CCDC97: variants seen among roughly 807,000 people sequenced by gnomAD.
CCDC97 encodes the protein coiled-coil domain containing 97.
CCDC97 carries 27 observed loss-of-function variants against 33.9 expected under a neutral mutation model. The observed-to-expected ratio is 0.80, with a 90% confidence interval of 0.59 to 1.10. CCDC97 has a LOEUF of 1.10. Ranked by LOEUF, CCDC97 falls within the 50% of genes least tolerant of loss-of-function variation. The pLI, the probability that CCDC97 is intolerant of heterozygous loss-of-function variation, is 0.00. For synonymous variants in CCDC97, 217 were observed against 194.0 expected, an observed-to-expected ratio of 1.12 and a Z score of -0.99; for missense variants, 422 against 476.6, an observed-to-expected ratio of 0.89 and a Z score of 1.07.
At chr19:41,319,456 T>C in intron 2 of CCDC97, 118 bp from the exon 3 acceptor site, 1 of 763,036 alleles carries the variant, frequency 1.3e-6, no homozygotes, top group Non-Finnish European at 2.2e-6. Context: ...AATGTGTGCA[T>C]ACACACACTT....
intron 1 of CCDC97, 89 bp from the exon 2 acceptor site, chr19:41,316,295 C>T: frequency 1.0e-6 from 1 of 1,003,826 alleles, no homozygotes; most frequent in Non-Finnish European, 1.5e-6. Context: ...ATAGTCAGTG[C>T]CCAGTAAATG....
intron 1 of CCDC97, among the ~76,000 whole-genome samples, chr19:41,313,082 T>C (rs776959392): frequency 5.6e-4 from 85 of 152,134 alleles, no homozygotes; most frequent in Non-Finnish European, 9.4e-4. Flanking sequence ...TCTTTTTTTT[T>C]AAGATAACAG....
chr19:41,316,786 T>C lies in CCDC97; in HGVS notation c.449T>C (p.Leu150Pro), dbSNP rs752174219. Residue 150 changes from leucine to proline, a missense_variant, in exon 2 of 5, where the codon CTG becomes CCG. Coordinates refer to ENST00000269967, the MANE Select transcript of CCDC97 (RefSeq NM_052848.3). ...ARQGTARPRT[L>P]RTRLRNRRYA... ...CAGGGCACTGCCCGGCCCCGCACCC[T>C]GCGTACCCGCCTGCGTAACCGGCGC... is the stretch of plus-strand genomic sequence containing the variant. 19 of 1,604,990 alleles carry C rather than the reference T, an allele frequency of 1.2e-5. No homozygotes were observed. Among genetic ancestry groups the C allele is most frequent in the Middle Eastern group, 3.3e-4 (2 of 6,062 alleles).
intron 2 of CCDC97, among the ~76,000 whole-genome samples, chr19:41,319,073 A>G (rs1308253080): frequency 6.6e-6 from 1 of 152,314 alleles, no homozygotes; most frequent in East Asian, 1.9e-4. Context: ...TACATAGGCC[A>G]TGTACACGTC....
chr19:41,319,210 TGAATACAC>T, intron 2 of CCDC97, among the ~76,000 whole-genome samples: 1 of 152,312 alleles, frequency 6.6e-6, no homozygotes, highest in East Asian at 1.9e-4. Context: ...CATGAATACA[TGAATACAC>T]AGGAAGATAG....
At chr19:41,312,478 C>T (rs2037697281) in intron 1 of CCDC97, among the ~76,000 whole-genome samples, 1 of 152,198 alleles carries the variant, frequency 6.6e-6, no homozygotes. Context: ...TTCAGCGACA[C>T]CACAGTGCCT....
intron 1 of CCDC97, 38 bp downstream of exon 1, chr19:41,310,394 G>A (rs1187947726): frequency 3.8e-6 from 6 of 1,583,870 alleles, no homozygotes; most frequent in East Asian, 4.6e-5. Flanking sequence ...GGGTGGGTGC[G>A]GTTGCGGTGT....
Position 41,310,268 on chromosome 19 carries a change from G to A in CCDC97, c.-43G>A, listed in dbSNP as rs935959717. Reference sequence around the variant, plus strand: ...TTGCGTGCGTGGGCCGGAGGTTAGTGTGCGGGGCCCGCCGGGCGGTTGAAA... The same window carrying A: ...TTGCGTGCGTGGGCCGGAGGTTAGTATGCGGGGCCCGCCGGGCGGTTGAAA... On this transcript the variant is annotated 5_prime_UTR_variant, in exon 1 of 5. The change creates a new upstream start codon in the 5' untranslated region. Transcript: ENST00000269967. The A allele has an allele frequency of 1.9e-6, 3 of 1,572,776 alleles. No individual in the cohort carries two copies. The highest frequency in any genetic ancestry group is 2.6e-6 in the Non-Finnish European group (3 of 1,159,128).
At chr19:41,319,244 C>T (rs574087916) in intron 2 of CCDC97, among the ~76,000 whole-genome samples, 2 of 152,258 alleles carry the variant, frequency 1.3e-5, no homozygotes, top group African/African-American at 4.8e-5. Context: ...GGGCCACATA[C>T]ACACACTCAG....
At chr19:41,318,444 C>T (rs772447420) in intron 2 of CCDC97, among the ~76,000 whole-genome samples, 22 of 152,104 alleles carry the variant, frequency 1.4e-4, no homozygotes, top group Admixed American at 7.9e-4. Context: ...GGCAACAGAG[C>T]GAGACTCCAT....
chr19:41,320,505 C>G, intron 4 of CCDC97, 35 bp downstream of exon 4: 1 of 1,613,202 alleles, frequency 6.2e-7, no homozygotes, highest in South Asian at 1.1e-5. Flanking sequence ...ATCCCCCAGC[C>G]CAGCATCCCA....
chr19:41,322,871 C>T lies in CCDC97; in HGVS notation c.*156C>T. On this transcript the variant is annotated 3_prime_UTR_variant, in exon 5 of 5. Coordinates refer to ENST00000269967, the MANE Select transcript of CCDC97 (RefSeq NM_052848.3). ...TCACTGGGTCTAGTCTCATCTCAGA[C>T]AACCCCCACCCCCACTGTTTCTGGG... is the stretch of plus-strand genomic sequence containing the variant. 2.8e-6 allele frequency: 2 copies of T among 723,172 alleles called. No homozygotes were observed. The highest frequency in any genetic ancestry group is 4.2e-6 in the Non-Finnish European group (2 of 471,006). The allele number at this position is 723,172 out of a possible 1,614,324, so 44.8% of individuals were successfully genotyped here. A position where few individuals can be genotyped will look rare whatever the true frequency, so the allele number is the denominator to read the frequency against.
At position 41,310,294 on chromosome 19, in the gene CCDC97, A is replaced by C. The variant is rs2037665345; in HGVS notation, c.-17A>C. 1 of 1,597,006 alleles carries C rather than the reference A, an allele frequency of 6.3e-7. No individual in the cohort carries two copies. The highest frequency in any genetic ancestry group is 8.5e-7 in the Non-Finnish European group (1 of 1,172,068). On this transcript the variant is annotated 5_prime_UTR_variant, in exon 1 of 5. Coordinates refer to ENST00000269967, the MANE Select transcript of CCDC97 (RefSeq NM_052848.3). ...TGCGGGGCCCGCCGGGCGGTTGAAA[A>C]GTCCGAGAGAATCAGGATGGAGGCC...
intron 1 of CCDC97, among the ~76,000 whole-genome samples, chr19:41,315,827 T>C (rs1047535626): frequency 8.6e-5 from 13 of 150,672 alleles, no homozygotes; most frequent in Non-Finnish European, 5.9e-5. Flanking sequence ...TCACAGTGGC[T>C]TACACCTTTA....
rs2037836928 is a variant in CCDC97, at chr19:41,322,676, A to G, written c.993A>G (p.Glu331=). Residue 331 remains glutamate, a synonymous_variant, in exon 5 of 5, where the codon GAA becomes GAG. Transcript: ENST00000269967. ...AGGAGAGGTACTTTGATGAGGAAGA[A>G]CCTGAGGATGCGCCCAGCCCAGAGC... The part of the protein sequence containing the change: ...DEEERYFDEE[E]PEDAPSPELD... 6.2e-7 allele frequency: 1 copy of G among 1,613,712 alleles called. No individual in the cohort carries two copies. Among genetic ancestry groups the G allele is most frequent in the Admixed American group, 1.7e-5 (1 of 59,982 alleles).
intron 2 of CCDC97, among the ~76,000 whole-genome samples, chr19:41,318,027 T>TA (rs1248335404): frequency 2.5e-5 from 3 of 119,492 alleles, no homozygotes; most frequent in African/African-American, 9.7e-5. Flanking sequence ...ATGAATGAGG[T>TA]GGGGGTAGGT....
chr19:41,317,090 C>T (rs1335422380), intron 2 of CCDC97, among the ~76,000 whole-genome samples: 2 of 152,128 alleles, frequency 1.3e-5, no homozygotes, highest in Non-Finnish European at 2.9e-5. Flanking sequence ...TTAGAAGTGG[C>T]ATTTCAGATT....
intron 3 of CCDC97, 143 bp from the exon 4 acceptor site, chr19:41,320,198 C>T: frequency 2.9e-6 from 3 of 1,047,250 alleles, no homozygotes; most frequent in Non-Finnish European, 4.2e-6. Context: ...AGGGCAGGGA[C>T]CAGGGCCATC....
chr19:41,319,684 C>A lies in CCDC97; in HGVS notation c.613C>A (p.His205Asn). 1 of 1,614,058 alleles carries A rather than the reference C, an allele frequency of 6.2e-7. No individual in the cohort carries two copies. The highest frequency in any genetic ancestry group is 8.5e-7 in the Non-Finnish European group (1 of 1,179,926). ...GGAGCTCAGTGCCCGCACCCCAACC[C>A]ACCAGCCCCCCAAGCCCGGGTCCCC... ...QEELSARTPT[H>N]QPPKPGSPGR... Residue 205 changes from histidine to asparagine, a missense_variant, in exon 3 of 5, where the codon CAC (histidine) becomes AAC (asparagine). Coordinates refer to ENST00000269967, the MANE Select transcript of CCDC97 (RefSeq NM_052848.3).
Sources: gnomAD v4.1 joint callset for allele counts (sites outside exome capture counted in the v4.1 genomes callset) on GRCh38, gnomAD v4.1.1 for gene constraint, MANE v1.5 for transcripts, NCBI Gene and HGNC (gene_info 2026-07-23, HGNC 2026-07-21) for gene names.